CPNE4: variants seen among roughly 807,000 people sequenced by gnomAD.
CPNE4 encodes the protein copine 4, also known as copine-4.
CPNE4 carries 25 observed loss-of-function variants against 67.9 expected under a neutral mutation model. The ratio of observed to expected loss-of-function variants is 0.37; its 90% CI spans 0.27 to 0.51. The LOEUF is 0.51. Among genes scored for constraint, CPNE4 ranks in the 20% least tolerant of loss-of-function variants. The pLI is 0.93. For synonymous variants in CPNE4, 242 were observed against 244.9 expected (o/e 0.99, Z 0.11); for missense variants, 464 against 690.8 (o/e 0.67, Z 3.68).
intron 4 of CPNE4, among the ~76,000 whole-genome samples, chr3:131,699,175 A>T (rs1326191655): frequency 1.3e-5 from 2 of 152,168 alleles, no homozygotes; most frequent in East Asian, 3.8e-4. Context: ...CATTCCATTC[A>T]AAAATGTAAG....
At chr3:131,747,278 G>A (rs554091042) in intron 2 of CPNE4, among the ~76,000 whole-genome samples, 19 of 151,932 alleles carry the variant, frequency 1.3e-4, no homozygotes, top group Non-Finnish European at 2.2e-4. Flanking sequence ...AAGCTTTTTA[G>A]TTTGATATAA....
intron 2 of CPNE4, among the ~76,000 whole-genome samples, chr3:131,775,135 T>A (rs1179429809): frequency 6.6e-6 from 1 of 152,074 alleles, no homozygotes; most frequent in Non-Finnish European, 1.5e-5. Flanking sequence ...CTTTAAAAAA[T>A]TTTTGTCTTT....
At chr3:131,536,323 G>A (rs1375871364) in intron 15 of CPNE4, among the ~76,000 whole-genome samples, 1 of 152,194 alleles carries the variant, frequency 6.6e-6, no homozygotes, top group African/African-American at 2.4e-5. Flanking sequence ...TATCATACAT[G>A]GACTCTGGAG....
At position 131,974,052 on chromosome 3, in the gene CPNE4, G is replaced by A. The variant is rs149711734; in HGVS notation, c.-2+60515C>T. ...GAGATACCTCCATGTAAATTTACAAGGGAAGGGCTGTCATTAAAATCCTGT... is the reference window on the plus strand; with the variant it reads ...GAGATACCTCCATGTAAATTTACAAAGGAAGGGCTGTCATTAAAATCCTGT... On this transcript the variant is annotated intron_variant, in intron 1 of 15. Transcript: ENST00000429747. 2.6e-5 allele frequency among the ~76,000 whole-genome samples: 4 copies of A among 152,268 alleles called. No individual in the cohort carries two copies. In the East Asian group the frequency reaches 7.7e-4, roughly 29 times the overall value.
chr3:131,750,694 T>C (rs1384624757), intron 2 of CPNE4, among the ~76,000 whole-genome samples: 2 of 152,142 alleles, frequency 1.3e-5, no homozygotes, highest in Non-Finnish European at 2.9e-5. Context: ...TAATGCAGAA[T>C]TCAGGAGGAG....
At chr3:131,909,676 A>G (rs938017780) in intron 1 of CPNE4, among the ~76,000 whole-genome samples, 3 of 152,198 alleles carry the variant, frequency 2.0e-5, no homozygotes, top group Admixed American at 6.5e-5. Flanking sequence ...CTCGTTGGCC[A>G]TCATACTTGC....
chr3:131,728,023 C>T (rs1045361015), intron 2 of CPNE4, among the ~76,000 whole-genome samples: 1 of 151,978 alleles, frequency 6.6e-6, no homozygotes, highest in African/African-American at 2.4e-5. Flanking sequence ...TATTCATGTA[C>T]AATCCTTTGT....
At chr3:131,953,972 A>G (rs1439724399) in intron 1 of CPNE4, among the ~76,000 whole-genome samples, 1 of 152,246 alleles carries the variant, frequency 6.6e-6, no homozygotes, top group African/African-American at 2.4e-5. Context: ...ATCATTATAC[A>G]TTGTACATAT....
intron 10 of CPNE4, among the ~76,000 whole-genome samples, chr3:131,572,711 AG>A (rs1316579748): frequency 2.0e-5 from 3 of 152,026 alleles, no homozygotes; most frequent in Non-Finnish European, 4.4e-5. Context: ...TGTTGGCTAA[AG>A]CTCCCTGGTT....
chr3:131,750,115 A>C (rs946838505), intron 2 of CPNE4, among the ~76,000 whole-genome samples: 2 of 152,150 alleles, frequency 1.3e-5, no homozygotes, highest in Admixed American at 6.6e-5. Context: ...TTCTCTCCCA[A>C]AAGTCCCATC....
chr3:131,776,524 G>A (rs181728296), intron 2 of CPNE4, among the ~76,000 whole-genome samples: 5 of 152,258 alleles, frequency 3.3e-5, no homozygotes, highest in Admixed American at 1.3e-4. Context: ...GATAAGAAGA[G>A]AGTGTGATTG....
At chr3:131,852,587 G>T (rs893561887) in intron 2 of CPNE4, among the ~76,000 whole-genome samples, 6 of 151,694 alleles carry the variant, frequency 4.0e-5, no homozygotes, top group Non-Finnish European at 7.4e-5. Flanking sequence ...ATAAACATCT[G>T]TTCTGAAGAT....
At chr3:131,600,256 C>T (rs1006648771) in intron 7 of CPNE4, among the ~76,000 whole-genome samples, 6 of 152,086 alleles carry the variant, frequency 3.9e-5, no homozygotes, top group African/African-American at 1.4e-4. Context: ...GCTTCTAATA[C>T]AATGACAGTG....
At chr3:131,596,689 G>T (rs189554953) in intron 7 of CPNE4, among the ~76,000 whole-genome samples, 5 of 150,268 alleles carry the variant, frequency 3.3e-5, no homozygotes, top group African/African-American at 4.9e-5. Context: ...ATCTGGATGG[G>T]CCTGATACAA....
chr3:131,805,811 C>G (rs919586513), intron 2 of CPNE4, among the ~76,000 whole-genome samples: 4 of 152,108 alleles, frequency 2.6e-5, no homozygotes, highest in Non-Finnish European at 2.9e-5. Context: ...TCCACTGTGC[C>G]CTACTGGTTG....
At chr3:131,879,997 T>C (rs988160810) in intron 2 of CPNE4, among the ~76,000 whole-genome samples, 6 of 152,086 alleles carry the variant, frequency 3.9e-5, no homozygotes, top group Non-Finnish European at 7.4e-5. Context: ...ACCCAAACCT[T>C]TAAAAAAACA....
intron 2 of CPNE4, among the ~76,000 whole-genome samples, chr3:131,808,981 A>G (rs1414880080): frequency 6.6e-6 from 1 of 152,170 alleles, no homozygotes; most frequent in Non-Finnish European, 1.5e-5. Context: ...TGGTTTTTCT[A>G]ATGATACAGA....
intron 2 of CPNE4, among the ~76,000 whole-genome samples, chr3:131,802,468 G>A (rs184711130): frequency 6.6e-6 from 1 of 152,310 alleles, no homozygotes; most frequent in Admixed American, 6.5e-5. Context: ...GAAGAAAAAT[G>A]TTGACAAATT....
intron 15 of CPNE4, chr3:131,537,472 G>C (rs2107621429): frequency 6.2e-6 from 1 of 162,470 alleles, no homozygotes; most frequent in East Asian, 1.9e-4. Context: ...TAGTAGACAT[G>C]GGGTTTTACC....
Sources: allele counts gnomAD v4.1 joint callset (sites outside exome capture counted in the v4.1 genomes callset), GRCh38; gene constraint gnomAD v4.1.1; transcripts MANE v1.5; gene names NCBI Gene and HGNC (gene_info 2026-07-23, HGNC 2026-07-21).